Variants in TMPRSS11F observed in about 807,000 individuals in gnomAD.
TMPRSS11F encodes the protein transmembrane serine protease 11F.
TMPRSS11F carries 47 observed loss-of-function variants against 60.2 expected under a neutral mutation model. That is an observed-to-expected ratio of 0.78 (90% CI 0.62 to 1.00). The LOEUF (loss-of-function observed/expected upper bound fraction) is 1.00, where lower values mean the gene tolerates loss of function less well. TMPRSS11F is among the 50% of genes least tolerant of loss of function. The pLI is 0.00. For missense variants in TMPRSS11F, 519 were observed against 522.9 expected, an observed-to-expected ratio of 0.99 and a Z score of 0.07; for synonymous variants, 166 against 167.3, an observed-to-expected ratio of 0.99 and a Z score of 0.06.
intron 1 of TMPRSS11F, among the ~76,000 whole-genome samples, chr4:68,103,995 T>C (rs1004214481): frequency 6.6e-6 from 1 of 152,236 alleles, no homozygotes; most frequent in African/African-American, 2.4e-5. Flanking sequence ...ATTTCATATG[T>C]TGATTTTGTA....
intron 7 of TMPRSS11F, among the ~76,000 whole-genome samples, chr4:68,067,733 C>T (rs1723360679): frequency 6.6e-6 from 1 of 152,178 alleles, no homozygotes; most frequent in African/African-American, 2.4e-5. Context: ...ACCTTAGTAT[C>T]TTGGAACCAT....
At chr4:68,096,370 G>A (rs9997866) in intron 2 of TMPRSS11F, among the ~76,000 whole-genome samples, 97,377 of 152,086 alleles carry the variant, frequency 0.64, 32,126 homozygotes, top group Admixed American at 0.74. Flanking sequence ...ATAAATAGAG[G>A]CATGAATTCT....
intron 3 of TMPRSS11F, chr4:68,080,978 G>A (rs536304910): frequency 4.6e-5 from 7 of 152,280 alleles, no homozygotes; most frequent in African/African-American, 1.7e-4. Context: ...GTTTTTAAAT[G>A]TAATATTTTT....
intron 7 of TMPRSS11F, among the ~76,000 whole-genome samples, chr4:68,065,483 G>T (rs370690775): frequency 1.3e-5 from 2 of 152,038 alleles, no homozygotes; most frequent in South Asian, 4.2e-4. Context: ...AGCTCCTACC[G>T]CCCATGGATC....
At chr4:68,083,723 C>G (rs1257462568) in intron 3 of TMPRSS11F, among the ~76,000 whole-genome samples, 1 of 152,098 alleles carries the variant, frequency 6.6e-6, no homozygotes, top group Non-Finnish European at 1.5e-5. Context: ...AACATGAGAC[C>G]TCTCATATGA....
intron 1 of TMPRSS11F, among the ~76,000 whole-genome samples, chr4:68,106,726 C>A (rs1207589629): frequency 2.0e-5 from 3 of 152,132 alleles, no homozygotes; most frequent in African/African-American, 7.2e-5. Context: ...AATTGCATAG[C>A]ATCCTGCTCC....
chr4:68,083,576 T>C (rs561964852), intron 3 of TMPRSS11F, among the ~76,000 whole-genome samples: 114 of 152,142 alleles, frequency 7.5e-4, no homozygotes, highest in African/African-American at 2.7e-3. Context: ...GTACAGAACT[T>C]TGGCCCTCTG....
At chr4:68,096,082 T>C (rs1724068582) in intron 2 of TMPRSS11F, among the ~76,000 whole-genome samples, 1 of 151,406 alleles carries the variant, frequency 6.6e-6, no homozygotes, top group African/African-American at 2.4e-5. Flanking sequence ...ATAAGTAAAT[T>C]ATGGAATATT....
chr4:68,098,790 T>A, intron 2 of TMPRSS11F, 97 bp downstream of exon 2: 1 of 1,154,228 alleles, frequency 8.7e-7, no homozygotes, highest in Non-Finnish European at 1.2e-6. Flanking sequence ...AATTAAAATG[T>A]TAATATCATG....
chr4:68,058,668 A>C (rs1370841638), intron 9 of TMPRSS11F, among the ~76,000 whole-genome samples: 1 of 152,228 alleles, frequency 6.6e-6, no homozygotes, highest in Non-Finnish European at 1.5e-5. Context: ...AGAAAAATAG[A>C]ACAAAGAAAG....
At chr4:68,072,998 C>G (rs1286789320) in intron 4 of TMPRSS11F, among the ~76,000 whole-genome samples, 2 of 152,066 alleles carry the variant, frequency 1.3e-5, no homozygotes, top group East Asian at 3.9e-4. Flanking sequence ...TGAATCTGGC[C>G]AATGAAATAT....
At chr4:68,093,008 CCT>C (rs1723976951) in intron 2 of TMPRSS11F, among the ~76,000 whole-genome samples, 1 of 152,006 alleles carries the variant, frequency 6.6e-6, no homozygotes, top group Admixed American at 6.6e-5. Flanking sequence ...ATTGAATTGT[CCT>C]TATATGCAGA....
At chr4:68,080,351 T>C (rs963830390) in intron 3 of TMPRSS11F, 2 of 152,246 alleles carry the variant, frequency 1.3e-5, no homozygotes, top group African/African-American at 4.8e-5. Flanking sequence ...ATTACTTAAA[T>C]GATAATGAGT....
At chr4:68,105,761 G>C (rs2109876948) in intron 1 of TMPRSS11F, among the ~76,000 whole-genome samples, 1 of 151,994 alleles carries the variant, frequency 6.6e-6, no homozygotes, top group South Asian at 2.1e-4. Context: ...TATTATTTTT[G>C]TTTAAAATGT....
chr4:68,059,842 A>T (rs1723121478), intron 8 of TMPRSS11F, among the ~76,000 whole-genome samples: 1 of 152,194 alleles, frequency 6.6e-6, no homozygotes, highest in African/African-American at 2.4e-5. Flanking sequence ...CTGGAAGTTC[A>T]CTGACATTCC....
chr4:68,079,907 G>A (rs1723657022), intron 3 of TMPRSS11F, among the ~76,000 whole-genome samples: 1 of 152,198 alleles, frequency 6.6e-6, no homozygotes, highest in African/African-American at 2.4e-5. Flanking sequence ...GCAAGTCTGA[G>A]CTCACATCTT....
intron 1 of TMPRSS11F, among the ~76,000 whole-genome samples, chr4:68,109,923 G>A (rs761321701): frequency 6.6e-6 from 1 of 152,152 alleles, no homozygotes; most frequent in Non-Finnish European, 1.5e-5. Context: ...CTAAAGAAAT[G>A]TAAACAACAA....
At chr4:68,128,747 GATAA>G (rs1241240448) in intron 1 of TMPRSS11F, among the ~76,000 whole-genome samples, 4 of 151,970 alleles carry the variant, frequency 2.6e-5, no homozygotes, top group Non-Finnish European at 5.9e-5. Context: ...TCTTTATCTT[GATAA>G]ATAAGAAATA....
intron 1 of TMPRSS11F, among the ~76,000 whole-genome samples, chr4:68,117,065 A>C (rs1724536425): frequency 6.6e-6 from 1 of 152,214 alleles, no homozygotes; most frequent in Non-Finnish European, 1.5e-5. Flanking sequence ...GCGGTCTACC[A>C]AATGAGAGAA....
Sources: allele counts gnomAD v4.1 joint callset (sites outside exome capture counted in the v4.1 genomes callset), GRCh38; gene constraint gnomAD v4.1.1; transcripts MANE v1.5; gene names NCBI Gene and HGNC (gene_info 2026-07-23, HGNC 2026-07-21).